The following KIRREL3 variants were observed in gnomAD, a reference collection of about 807,000 sequenced individuals.
KIRREL3 encodes kin of IRRE-like protein 3.
Under a neutral mutation model 89.7 loss-of-function variants are expected in KIRREL3, and 36 were observed. The observed-to-expected ratio is 0.40, with a 90% CI of 0.31 to 0.53. The LOEUF is 0.53. KIRREL3 is among the 20% of genes least tolerant of loss of function. The pLI, the probability that KIRREL3 is intolerant of heterozygous loss-of-function variation, is 0.49. For synonymous variants in KIRREL3, 445 were observed against 441.4 expected, an observed-to-expected ratio of 1.01 and a Z score of -0.10; for missense variants, 864 against 1,056.6, an observed-to-expected ratio of 0.82 and a Z score of 2.53.
intron 1 of KIRREL3, among the ~76,000 whole-genome samples, chr11:126,613,213 A>C (rs532072626): frequency 1.3e-5 from 2 of 152,336 alleles, no homozygotes; most frequent in Non-Finnish European, 2.9e-5. Flanking sequence ...GTGAATATAC[A>C]TCATTTCAGG....
At chr11:126,839,812 C>T (rs904223847) in intron 1 of KIRREL3, among the ~76,000 whole-genome samples, 1 of 152,170 alleles carries the variant, frequency 6.6e-6, no homozygotes, top group African/African-American at 2.4e-5. Context: ...ATGCACGCTC[C>T]TGCAAATTTA....
Position 126,668,065 on chromosome 11 carries a change from C to T in KIRREL3, c.56-105153G>A, listed in dbSNP as rs1176950203. ...CCTCATAAGGGGTTGATAGCTGAGC[C>T]CCTGTGTCTTAGTCAGTTTCGGCTA... On this transcript the variant is annotated intron_variant, in intron 1 of 16. Transcript: ENST00000525144. The surrounding 1 kb of genome is among the most constrained non-coding windows in gnomAD (Gnocchi z 4.4). Among the ~76,000 whole-genome samples, 1 of 152,104 alleles carries T rather than the reference C, an allele frequency of 6.6e-6. No individual in the cohort carries two copies. Among genetic ancestry groups the T allele is most frequent in the South Asian group, 2.1e-4 (1 of 4,816 alleles).
rs565457042 is a variant in KIRREL3 at position 126,515,110 on chromosome 11, G to A, written c.433+6205C>T. On this transcript the variant is annotated intron_variant, in intron 4 of 16. Coordinates refer to ENST00000525144, the MANE Select transcript of KIRREL3 (RefSeq NM_032531.4). The surrounding 1 kb of genome is among the most constrained non-coding windows in gnomAD (Gnocchi z 4.2). ...AAAACAGTTACTCTCAACATAGCGTGTCGAGACCTGTAATCAAGGTGCATA... is the reference window on the plus strand; with the variant it reads ...AAAACAGTTACTCTCAACATAGCGTATCGAGACCTGTAATCAAGGTGCATA... Among the ~76,000 whole-genome samples the A allele has an allele frequency of 6.6e-6, 1 of 152,296 alleles. No homozygotes were observed. Among genetic ancestry groups the A allele is most frequent in the East Asian group, 1.9e-4 (1 of 5,184 alleles).
rs57753203 is a variant in KIRREL3 at position 126,668,693 on chromosome 11, T to TTTTCTTTCTTTC, written c.56-105793_56-105782dup. On this transcript the variant is annotated intron_variant, in intron 1 of 16. Transcript: ENST00000525144. The surrounding 1 kb of genome is among the most constrained non-coding windows in gnomAD (Gnocchi z 4.4). ...TAAAGAGCTGTTGGGAAGTTTCTGT[T>TTTTCTTTCTTTC]TTTCTTTCTTTCTTTCTTTCTTTCT... Among the ~76,000 whole-genome samples, 2,100 of 126,666 alleles carry TTTTCTTTCTTTC rather than the reference T, an allele frequency of 0.017. 40 individuals are homozygous for TTTTCTTTCTTTC. The highest frequency in any genetic ancestry group is 0.027 in the East Asian group (110 of 4,032). The allele number at this position is 126,666 out of a possible 152,430, so 83.1% of individuals were successfully genotyped here.
In KIRREL3 at chr11:126,526,661, G is replaced by C. The variant is rs1392860512; in HGVS notation, c.160C>G (p.Pro54Ala). ...EGQVYSFSQQ[P>A]QDQVVVSGQP... is the part of the protein sequence containing the mutation. ...CCCGACACCACCACCTGGTCCTGGG[G>C]CTGCTGGCTGAAGGAATAGACTTGG... The change falls in exon 3 of 17, where the codon CCC (proline) becomes GCC (alanine). Residue 54 changes from proline (P) to alanine (A), a missense_variant. Coordinates refer to ENST00000525144, the MANE Select transcript of KIRREL3 (RefSeq NM_032531.4). The surrounding 1 kb of genome is among the most constrained non-coding windows in gnomAD (Gnocchi z 5.7). The C allele has an allele frequency of 6.4e-7, 1 of 1,573,238 alleles. No homozygotes were observed. Among genetic ancestry groups the C allele is most frequent in the Non-Finnish European group, 8.6e-7 (1 of 1,159,264 alleles).
intron 2 of KIRREL3, among the ~76,000 whole-genome samples, chr11:126,538,602 C>A: frequency 6.7e-6 from 1 of 149,528 alleles, no homozygotes; most frequent in Non-Finnish European, 1.5e-5. Context: ...CAGTTGGTGA[C>A]CTGCTCGGGG....
In KIRREL3 at chr11:126,457,437, G is replaced by A. The variant is rs1219820264; in HGVS notation, c.743-983C>T. Among the ~76,000 whole-genome samples the A allele has an allele frequency of 3.3e-5, 5 of 151,850 alleles. No individual in the cohort carries two copies. In the East Asian group the frequency reaches 9.6e-4, roughly 29 times the overall value. ...TGTGTATGTGTGTCTATGCGTGTGT[G>A]TATGTGTATGTGTGTGTATACATGT... On this transcript the variant is annotated intron_variant, in intron 6 of 16. Coordinates refer to ENST00000525144, the MANE Select transcript of KIRREL3 (RefSeq NM_032531.4).
At chr11:126,691,023 T>C (rs1946858982) in intron 1 of KIRREL3, among the ~76,000 whole-genome samples, 1 of 152,208 alleles carries the variant, frequency 6.6e-6, no homozygotes, top group Non-Finnish European at 1.5e-5. Context: ...GAAACACATA[T>C]GGTCAATAAA....
chr11:126,994,913 C>T lies in KIRREL3; in HGVS notation c.55+5542G>A, dbSNP rs1950134703. Among the ~76,000 whole-genome samples the T allele has an allele frequency of 6.6e-6, 1 of 152,074 alleles. No homozygotes were observed. Among genetic ancestry groups the T allele is most frequent in the East Asian group, 1.9e-4 (1 of 5,182 alleles). On this transcript the variant is annotated intron_variant, in intron 1 of 16. Transcript: ENST00000525144. The surrounding 1 kb of genome is among the most constrained non-coding windows in gnomAD (Gnocchi z 5.2). ...AGTATTCTGATGATCTATAAGGTAT[C>T]TATGTTCTTACTTGACCTGCACTTC...
In KIRREL3 at chr11:126,796,530, G is replaced by A. The variant is rs1950818147; in HGVS notation, c.55+203925C>T. Among the ~76,000 whole-genome samples, 1 of 152,178 alleles carries A rather than the reference G, an allele frequency of 6.6e-6. No homozygotes were observed. The highest frequency in any genetic ancestry group is 2.4e-5 in the African/African-American group (1 of 41,438). Reference sequence around the variant, plus strand: ...CCTCCAGTATCTGCTGCTGACATCTGAAATTCCCCTCCTTCCTCATGTGAA... The same window carrying A: ...CCTCCAGTATCTGCTGCTGACATCTAAAATTCCCCTCCTTCCTCATGTGAA... On this transcript the variant is annotated intron_variant, in intron 1 of 16. Transcript: ENST00000525144. This position sits in a 1 kb window ranked among gnomAD's most constrained non-coding sequence, Gnocchi z 5.1.
upstream of KIRREL3, among the ~76,000 whole-genome samples, chr11:127,002,101 T>C (rs960110825): frequency 6.6e-6 from 1 of 152,214 alleles, no homozygotes; most frequent in Non-Finnish European, 1.5e-5. Context: ...AACTCCAAGT[T>C]TCCATGCGGA....
Position 126,791,711 on chromosome 11 carries a change from A to C in KIRREL3, c.55+208744T>G, listed in dbSNP as rs1950646113. 6.6e-6 allele frequency among the ~76,000 whole-genome samples: 1 copy of C among 152,158 alleles called. No homozygotes were observed. Among genetic ancestry groups the C allele is most frequent in the African/African-American group, 2.4e-5 (1 of 41,434 alleles). On this transcript the variant is annotated intron_variant, in intron 1 of 16. Transcript: ENST00000525144. This position sits in a 1 kb window ranked among gnomAD's most constrained non-coding sequence, Gnocchi z 4.8. ...GCCAGGTGTGAATGAGTCTGAGCCC[A>C]GTGAAAGAGGGAGAGGGAACAGAGA...
At chr11:126,822,836 T>G (rs866018258) in intron 1 of KIRREL3, among the ~76,000 whole-genome samples, 4 of 152,124 alleles carry the variant, frequency 2.6e-5, no homozygotes, top group African/African-American at 9.7e-5. Flanking sequence ...TTGGACTTCT[T>G]CAGAACGGGG....
At chr11:126,731,686 A>C (rs1390993666) in intron 1 of KIRREL3, among the ~76,000 whole-genome samples, 1 of 152,244 alleles carries the variant, frequency 6.6e-6, no homozygotes, top group Non-Finnish European at 1.5e-5. Context: ...TCACCTCATC[A>C]GACCTGATGG....
rs1345083889 is a variant in KIRREL3 at position 126,808,264 on chromosome 11, T to G, written c.55+192191A>C. On this transcript the variant is annotated intron_variant, in intron 1 of 16. Coordinates refer to ENST00000525144, the MANE Select transcript of KIRREL3 (RefSeq NM_032531.4). The surrounding 1 kb of genome is among the most constrained non-coding windows in gnomAD (Gnocchi z 4.1). ...GTCATTAGCAAAAGAGAATACTTAT[T>G]TGAAAATTAAATGTCTTCACTTCTT... 6.6e-6 allele frequency among the ~76,000 whole-genome samples: 1 copy of G among 152,188 alleles called. No individual in the cohort carries two copies. Among genetic ancestry groups the G allele is most frequent in the East Asian group, 1.9e-4 (1 of 5,188 alleles).
intron 1 of KIRREL3, among the ~76,000 whole-genome samples, chr11:126,846,300 GA>G (rs1217487979): frequency 6.6e-6 from 1 of 152,130 alleles, no homozygotes; most frequent in Non-Finnish European, 1.5e-5. Flanking sequence ...ACTGGCAAAT[GA>G]AAAATCTTAC....
At position 126,492,539 on chromosome 11, in the gene KIRREL3, T is replaced by G. The variant is rs1591629426; in HGVS notation, c.434-19073A>C. Among the ~76,000 whole-genome samples, 1 of 150,626 alleles carries G rather than the reference T, an allele frequency of 6.6e-6. No homozygotes were observed. Among genetic ancestry groups the G allele is most frequent in the African/African-American group, 2.4e-5 (1 of 40,872 alleles). On this transcript the variant is annotated intron_variant, in intron 4 of 16. Transcript: ENST00000525144. This position sits in a 1 kb window ranked among gnomAD's most constrained non-coding sequence, Gnocchi z 4.8. ...GGGCTAGGGGAGCATGGGGCTGGAG[T>G]GGGAAGGAGGAGGAGGAGGGATGAG...
rs1286830308 is a variant in KIRREL3, at chr11:126,811,410, A to T, written c.55+189045T>A. Among the ~76,000 whole-genome samples, 1 of 152,112 alleles carries T rather than the reference A, an allele frequency of 6.6e-6. No individual in the cohort carries two copies. Among genetic ancestry groups the T allele is most frequent in the Non-Finnish European group, 1.5e-5 (1 of 68,020 alleles). On this transcript the variant is annotated intron_variant, in intron 1 of 16. Coordinates refer to ENST00000525144, the MANE Select transcript of KIRREL3 (RefSeq NM_032531.4). The surrounding 1 kb of genome is among the most constrained non-coding windows in gnomAD (Gnocchi z 4.3). ...AGGGGGCTGTGTCTGAATTTTGGTT[A>T]ATTGCTGCATCCCTAGAACCCTGAA...
rs1375592437 is a variant in KIRREL3, at chr11:126,724,511, G to A, written c.56-161599C>T. ...TCTCCAAACATCCAGGCAGGATCTGGGAGGGACTGCCCTTGAGATGGGTGG... is the reference window on the plus strand; with the variant it reads ...TCTCCAAACATCCAGGCAGGATCTGAGAGGGACTGCCCTTGAGATGGGTGG... On this transcript the variant is annotated intron_variant, in intron 1 of 16. Transcript: ENST00000525144. This position sits in a 1 kb window ranked among gnomAD's most constrained non-coding sequence, Gnocchi z 4.3. Among the ~76,000 whole-genome samples the A allele has an allele frequency of 6.6e-6, 1 of 152,182 alleles. No individual in the cohort carries two copies. Among genetic ancestry groups the A allele is most frequent in the Non-Finnish European group, 1.5e-5 (1 of 68,032 alleles).
Sources: gnomAD v4.1 joint callset for allele counts (sites outside exome capture counted in the v4.1 genomes callset) on GRCh38, gnomAD v4.1.1 for gene constraint, Gnocchi (gnomAD v3.1) non-coding constraint, MANE v1.5 for transcripts, NCBI Gene and HGNC (gene_info 2026-07-23, HGNC 2026-07-21) for gene names.